Variants in SLC44A5 observed in about 807,000 individuals in gnomAD.
SLC44A5 encodes choline transporter-like protein 5.
A neutral mutation model predicts 101.8 loss-of-function variants in SLC44A5; 57 were observed. That is an observed-to-expected ratio of 0.56 (90% CI 0.45 to 0.70). SLC44A5 has a LOEUF of 0.70. Among genes scored for constraint, SLC44A5 ranks in the 30% least tolerant of loss-of-function variants. The pLI is 0.00. For missense variants in SLC44A5, 737 were observed against 853.1 expected, an observed-to-expected ratio of 0.86 and a Z score of 1.70; for synonymous variants, 281 against 290.9, an observed-to-expected ratio of 0.97 and a Z score of 0.35.
intron 5 of SLC44A5, among the ~76,000 whole-genome samples, chr1:75,298,474 A>G (rs1001917261): frequency 3.3e-5 from 5 of 152,054 alleles, no homozygotes; most frequent in East Asian, 1.9e-4. Context: ...GGGTTCTGGG[A>G]AAAAAAGGCA....
At chr1:75,564,293 T>C (rs960519444) in intron 1 of SLC44A5, among the ~76,000 whole-genome samples, 9 of 152,198 alleles carry the variant, frequency 5.9e-5, no homozygotes, top group Non-Finnish European at 1.0e-4. Flanking sequence ...ATTCTTAATT[T>C]ATGTCGAAGT....
At chr1:75,422,184 C>A (rs148671699) in intron 2 of SLC44A5, among the ~76,000 whole-genome samples, 1 of 152,162 alleles carries the variant, frequency 6.6e-6, no homozygotes, top group Non-Finnish European at 1.5e-5. Flanking sequence ...GAAAAGCAAA[C>A]GCCCTTTCTG....
the SLC44A5 span, among the ~76,000 whole-genome samples, chr1:75,647,092 C>A: frequency 6.6e-6 from 1 of 152,146 alleles, no homozygotes; most frequent in African/African-American, 2.4e-5. Flanking sequence ...TGGAGGCCTA[C>A]GAAGAAAAAT....
the SLC44A5 span, among the ~76,000 whole-genome samples, chr1:75,692,591 G>C: frequency 6.6e-6 from 1 of 152,148 alleles, no homozygotes. Flanking sequence ...GAGTGTATCT[G>C]TACATGTGCT....
chr1:75,212,553 A>G (rs1646879752), intron 22 of SLC44A5, among the ~76,000 whole-genome samples: 1 of 152,138 alleles, frequency 6.6e-6, no homozygotes, highest in South Asian at 2.1e-4. Context: ...ATAGTATTCC[A>G]TGGTGTATTT....
intron 6 of SLC44A5, among the ~76,000 whole-genome samples, chr1:75,268,726 CA>C (rs1429353072): frequency 6.6e-6 from 1 of 152,116 alleles, no homozygotes; most frequent in African/African-American, 2.4e-5. Context: ...AATTATACTA[CA>C]CATGCCATTT....
intron 2 of SLC44A5, among the ~76,000 whole-genome samples, chr1:75,477,255 C>G (rs1013935872): frequency 1.3e-5 from 2 of 152,154 alleles, no homozygotes; most frequent in African/African-American, 4.8e-5. Context: ...CCCATCTGTA[C>G]ATTACCATCA....
At position 75,203,832 on chromosome 1, in the gene SLC44A5, C is replaced by T; in HGVS notation, c.2049G>A (p.Leu683=). Residue 683 remains leucine, a splice_region_variant and synonymous_variant, in exon 24 of 24, where the codon TTG becomes TTA. Transcript: ENST00000370859. The part of the protein sequence containing the change: ...MCVETIFICF[L]EDLERNDGST... ...AACCATCATTTCTTTCTAAATCTTCCACTAGGAGGAAGAATGGTACAGAGT... is the reference window on the plus strand; with the variant it reads ...AACCATCATTTCTTTCTAAATCTTCTACTAGGAGGAAGAATGGTACAGAGT... 1 of 1,547,698 alleles carries T rather than the reference C, an allele frequency of 6.5e-7. No homozygotes were observed. The highest frequency in any genetic ancestry group is 8.7e-7 in the Non-Finnish European group (1 of 1,145,172).
At chr1:75,256,096 C>G (rs566820946) in intron 6 of SLC44A5, among the ~76,000 whole-genome samples, 1 of 151,998 alleles carries the variant, frequency 6.6e-6, no homozygotes, top group African/African-American at 2.4e-5. Context: ...CACATACTTA[C>G]GCTAAAAATT....
intron 2 of SLC44A5, among the ~76,000 whole-genome samples, chr1:75,407,086 T>A (rs1394442234): frequency 6.6e-6 from 1 of 151,968 alleles, no homozygotes; most frequent in African/African-American, 2.4e-5. Context: ...GAGAGCCCAA[T>A]CGTGAGTGAA....
intron 3 of SLC44A5, among the ~76,000 whole-genome samples, chr1:75,354,711 A>C (rs956546424): frequency 6.6e-6 from 1 of 152,230 alleles, no homozygotes; most frequent in African/African-American, 2.4e-5. Context: ...TACAAAAATC[A>C]AAGTATCATC....
At chr1:75,359,683 A>G (rs1195991199) in intron 3 of SLC44A5, among the ~76,000 whole-genome samples, 1 of 152,158 alleles carries the variant, frequency 6.6e-6, no homozygotes, top group Non-Finnish European at 1.5e-5. Flanking sequence ...TTGGATATAT[A>G]CTCAGAAATA....
At chr1:75,572,736 G>A (rs937004511) in intron 1 of SLC44A5, among the ~76,000 whole-genome samples, 30 of 152,100 alleles carry the variant, frequency 2.0e-4, no homozygotes, top group African/African-American at 6.5e-4. Context: ...AAGTTAATCT[G>A]TAGGAAAACA....
At chr1:75,589,507 A>G (rs989180515) in intron 1 of SLC44A5, among the ~76,000 whole-genome samples, 1 of 152,350 alleles carries the variant, frequency 6.6e-6, no homozygotes, top group South Asian at 2.1e-4. Context: ...GCAAGATGGT[A>G]TAATGGAAAG....
chr1:75,586,221 A>G (rs1673980940), intron 1 of SLC44A5, among the ~76,000 whole-genome samples: 1 of 152,048 alleles, frequency 6.6e-6, no homozygotes, highest in South Asian at 2.1e-4. Flanking sequence ...CTTGTTTTTG[A>G]GCTGGGATGT....
intron 2 of SLC44A5, among the ~76,000 whole-genome samples, chr1:75,455,486 A>T (rs879441382): frequency 2.6e-5 from 4 of 152,166 alleles, no homozygotes; most frequent in Non-Finnish European, 4.4e-5. Context: ...CCTCAATAGC[A>T]ATTGCAACAA....
At chr1:75,600,917 C>T (rs1189970390) in intron 1 of SLC44A5, among the ~76,000 whole-genome samples, 2 of 152,078 alleles carry the variant, frequency 1.3e-5, no homozygotes, top group Non-Finnish European at 2.9e-5. Flanking sequence ...GAATGTAGCC[C>T]CATACTTAAG....
At chr1:75,520,693 G>A (rs79365743) in intron 2 of SLC44A5, among the ~76,000 whole-genome samples, 41 of 152,244 alleles carry the variant, frequency 2.7e-4, no homozygotes, top group Admixed American at 1.3e-4. Flanking sequence ...TGAAAGACTC[G>A]CAAAATGAAG....
intron 4 of SLC44A5, among the ~76,000 whole-genome samples, chr1:75,309,578 C>G (rs1655152174): frequency 6.6e-6 from 1 of 152,114 alleles, no homozygotes; most frequent in African/African-American, 2.4e-5. Flanking sequence ...ACATAAATAA[C>G]AGCAAACATT....
Sources: gnomAD v4.1 joint callset for allele counts (sites outside exome capture counted in the v4.1 genomes callset) on GRCh38, gnomAD v4.1.1 for gene constraint, MANE v1.5 for transcripts, NCBI Gene and HGNC (gene_info 2026-07-23, HGNC 2026-07-21) for gene names.